Variants in CNOT6L observed in about 807,000 individuals in gnomAD.
CNOT6L encodes the protein CCR4-NOT transcription complex subunit 6-like.
In CNOT6L, 7 loss-of-function variants were observed where a neutral mutation model predicts 64.0. The ratio of observed to expected loss-of-function variants is 0.11; its 90% CI spans 0.06 to 0.21. The LOEUF (loss-of-function observed/expected upper bound fraction) is 0.21, where lower values mean the gene tolerates loss of function less well. Among genes scored for constraint, CNOT6L ranks in the 10% least tolerant of loss-of-function variants. The pLI, the probability that CNOT6L is intolerant of heterozygous loss-of-function variation, is 1.00. For synonymous variants in CNOT6L, 193 were observed against 243.4 expected, an observed-to-expected ratio of 0.79 and a Z score of 1.93; for missense variants, 245 against 669.0, an observed-to-expected ratio of 0.37 and a Z score of 6.99.
chr4:77,759,018 G>A (rs922850961), intron 4 of CNOT6L, among the ~76,000 whole-genome samples: 4 of 151,720 alleles, frequency 2.6e-5, no homozygotes, highest in Non-Finnish European at 4.4e-5. Context: ...CTCCCCCTCC[G>A]CACCTTACCA....
At chr4:77,748,681 T>C (rs1456703356) in intron 5 of CNOT6L, among the ~76,000 whole-genome samples, 1 of 152,196 alleles carries the variant, frequency 6.6e-6, no homozygotes, top group Non-Finnish European at 1.5e-5. Context: ...CTTAAGTTTC[T>C]AATTATATAT....
chr4:77,791,903 A>C (rs576653229), intron 1 of CNOT6L, among the ~76,000 whole-genome samples: 29 of 152,328 alleles, frequency 1.9e-4, no homozygotes, highest in Admixed American at 6.5e-4. Flanking sequence ...ATATATATGT[A>C]CATATATATA....
chr4:77,762,502 G>A (rs1726352156), intron 4 of CNOT6L, among the ~76,000 whole-genome samples: 1 of 152,058 alleles, frequency 6.6e-6, no homozygotes. Context: ...AGAATAACTA[G>A]ACATGCATAT....
At chr4:77,779,621 T>C (rs933288450) in intron 1 of CNOT6L, among the ~76,000 whole-genome samples, 1 of 151,928 alleles carries the variant, frequency 6.6e-6, no homozygotes, top group Non-Finnish European at 1.5e-5. Context: ...AATACTGCCA[T>C]ATTAGGGGTC....
rs77335908 is a variant in CNOT6L, at chr4:77,730,586, G to A, written c.1024+801C>T. On this transcript the variant is annotated intron_variant, in intron 9 of 11. Coordinates refer to ENST00000504123, the MANE Select transcript of CNOT6L (RefSeq NM_144571.3). ...AAAGGACATAAAGGTAAATAAAAAC[G>A]GAGGGGCTAAGAAAAGTAAAAAGTC... Among the ~76,000 whole-genome samples the A allele has an allele frequency of 5.3e-3, 807 of 152,142 alleles. 7 individuals are homozygous for A. The highest frequency in any genetic ancestry group is 0.018 in the African/African-American group (757 of 41,530).
rs1055072041 is a variant in CNOT6L, at chr4:77,717,019, A to G, written c.*3412T>C. The G allele has an allele frequency of 2.4e-4, 36 of 152,622 alleles. No homozygotes were observed. The highest frequency in any genetic ancestry group is 8.2e-4 in the African/African-American group (34 of 41,544). 9.5% of individuals were successfully genotyped at this position (152,622 alleles called of 1,614,324 possible). A position where few individuals can be genotyped will look rare whatever the true frequency, so the allele number is the denominator to read the frequency against. ...AGAAATGAAACAAAAATATTCAGCTATGTTATTATACAAAATTTTTTTTAC... is the reference window on the plus strand; with the variant it reads ...AGAAATGAAACAAAAATATTCAGCTGTGTTATTATACAAAATTTTTTTTAC... On this transcript the variant is annotated 3_prime_UTR_variant, in exon 12 of 12. Coordinates refer to ENST00000504123, the MANE Select transcript of CNOT6L (RefSeq NM_144571.3).
chr4:77,730,833 G>C (rs886202553), intron 9 of CNOT6L, among the ~76,000 whole-genome samples: 35 of 152,164 alleles, frequency 2.3e-4, no homozygotes, highest in African/African-American at 8.2e-4. Flanking sequence ...TCAAAGGCAG[G>C]CAGTAAGAAG....
intron 8 of CNOT6L, among the ~76,000 whole-genome samples, chr4:77,736,560 C>A (rs1722967769): frequency 6.6e-6 from 1 of 152,082 alleles, no homozygotes; most frequent in African/African-American, 2.4e-5. Flanking sequence ...GATTTCCATA[C>A]AGGTAACATT....
intron 1 of CNOT6L, among the ~76,000 whole-genome samples, chr4:77,798,882 C>A (rs558015065): frequency 6.6e-6 from 1 of 151,500 alleles, no homozygotes; most frequent in South Asian, 2.1e-4. Context: ...CTAAGGCAGC[C>A]GAGGTAGGAT....
At chr4:77,745,074 C>A (rs1724043046) in intron 6 of CNOT6L, among the ~76,000 whole-genome samples, 199 bp from the exon 7 acceptor site, 1 of 152,074 alleles carries the variant, frequency 6.6e-6, no homozygotes, top group South Asian at 2.1e-4. Context: ...TTTATTAAGT[C>A]TAGAATTAGA....
intron 1 of CNOT6L, among the ~76,000 whole-genome samples, chr4:77,790,092 C>T (rs1312538689): frequency 6.6e-6 from 1 of 152,080 alleles, no homozygotes; most frequent in Admixed American, 6.6e-5. Flanking sequence ...CCCTGGCAAT[C>T]ACTCATCTTT....
intron 9 of CNOT6L, 23 bp from the exon 10 acceptor site, chr4:77,729,104 G>C (rs773161697): frequency 4.1e-5 from 65 of 1,569,966 alleles, no homozygotes; most frequent in Non-Finnish European, 5.6e-5. Flanking sequence ...ATTACAAAAA[G>C]AAGACAAAGT....
chr4:77,774,007 T>G (rs1161102044), intron 3 of CNOT6L, among the ~76,000 whole-genome samples: 1 of 152,148 alleles, frequency 6.6e-6, no homozygotes, highest in Admixed American at 6.5e-5. Context: ...AAATTATTAC[T>G]CAACAGATAA....
At chr4:77,723,069 A>G (rs1230884366) in intron 11 of CNOT6L, among the ~76,000 whole-genome samples, 1 of 152,188 alleles carries the variant, frequency 6.6e-6, no homozygotes, top group Non-Finnish European at 1.5e-5. Context: ...AAAGTTTACT[A>G]TTTGCTATAA....
intron 6 of CNOT6L, among the ~76,000 whole-genome samples, chr4:77,747,872 TTATC>T (rs1195433696): frequency 6.6e-6 from 1 of 152,236 alleles, no homozygotes; most frequent in South Asian, 2.1e-4. Flanking sequence ...TCCATAAATG[TTATC>T]TATCTCTCAA....
intron 4 of CNOT6L, among the ~76,000 whole-genome samples, chr4:77,769,698 C>T (rs1727321279): frequency 6.6e-6 from 1 of 151,964 alleles, no homozygotes; most frequent in Non-Finnish European, 1.5e-5. Flanking sequence ...TAATTATTTT[C>T]TTTAAAATGC....
At chr4:77,764,373 A>C (rs569635118) in intron 4 of CNOT6L, among the ~76,000 whole-genome samples, 1 of 152,354 alleles carries the variant, frequency 6.6e-6, no homozygotes, top group East Asian at 1.9e-4. Context: ...CTAAATATGA[A>C]TAAATCGTAT....
chr4:77,760,860 CTTTTTT>C lies in CNOT6L; in HGVS notation c.401-3915_401-3910del, dbSNP rs754195745. ...TACAGGTGCACACCACCATGCCTGG[CTTTTTT>C]TTTTTTTTTTTTTTTTTTTTTTTTT... On this transcript the variant is annotated intron_variant, in intron 4 of 11. Coordinates refer to ENST00000504123, the MANE Select transcript of CNOT6L (RefSeq NM_144571.3). Among the ~76,000 whole-genome samples the C allele has an allele frequency of 9.3e-3, 277 of 29,916 alleles. 4 individuals are homozygous for C. The highest frequency in any genetic ancestry group is 0.036 in the African/African-American group (249 of 6,946). The allele number at this position is 29,916 out of a possible 152,430, so 19.6% of individuals were successfully genotyped here.
chr4:77,762,807 T>G (rs935078989), intron 4 of CNOT6L, among the ~76,000 whole-genome samples: 16 of 152,156 alleles, frequency 1.1e-4, no homozygotes, highest in African/African-American at 3.9e-4. Flanking sequence ...AGGTATTGAC[T>G]TCAGCAGGCA....
Sources: gnomAD v4.1 joint callset for allele counts (sites outside exome capture counted in the v4.1 genomes callset) on GRCh38, gnomAD v4.1.1 for gene constraint, MANE v1.5 for transcripts, NCBI Gene and HGNC (gene_info 2026-07-23, HGNC 2026-07-21) for gene names.